Variants in AGBL4 observed in about 807,000 individuals in gnomAD.
AGBL4 encodes the protein cytosolic carboxypeptidase 6.
AGBL4 carries 58 observed loss-of-function variants against 66.4 expected under a neutral mutation model. The ratio of observed to expected loss-of-function variants is 0.87; its 90% CI spans 0.71 to 1.09. AGBL4 has a LOEUF of 1.09. Among genes scored for constraint, AGBL4 ranks in the 50% least tolerant of loss-of-function variants. The pLI, the probability that AGBL4 is intolerant of heterozygous loss-of-function variation, is 0.00. For missense variants in AGBL4, 579 were observed against 631.0 expected (o/e 0.92, Z 0.88); for synonymous variants, 234 against 222.9 (o/e 1.05, Z -0.44).
intron 6 of AGBL4, among the ~76,000 whole-genome samples, chr1:48,743,719 C>A (rs755616288): frequency 6.6e-6 from 1 of 152,194 alleles, no homozygotes; most frequent in Non-Finnish European, 1.5e-5. Context: ...CTTCTCTTAT[C>A]CTAGCCATGT....
At chr1:49,405,658 C>T (rs970201893) in intron 3 of AGBL4, among the ~76,000 whole-genome samples, 1 of 152,134 alleles carries the variant, frequency 6.6e-6, no homozygotes, top group African/African-American at 2.4e-5. Context: ...ATGAGGTGTA[C>T]CTTAGAGACA....
intron 2 of AGBL4, among the ~76,000 whole-genome samples, chr1:49,714,187 T>C (rs1218300364): frequency 6.6e-6 from 1 of 152,020 alleles, no homozygotes; most frequent in African/African-American, 2.4e-5. Context: ...CGAATCCAGG[T>C]ACTCCTGCTT....
intron 6 of AGBL4, among the ~76,000 whole-genome samples, chr1:48,674,001 C>G (rs1237347122): frequency 1.3e-5 from 2 of 152,154 alleles, no homozygotes; most frequent in African/African-American, 2.4e-5. Context: ...AGTCCTGCAG[C>G]GGCTTCCCCA....
In AGBL4 at chr1:49,846,089, T is replaced by A. The variant is rs576945577; in HGVS notation, c.157+5307A>T. Reference sequence around the variant, plus strand: ...CCACACAGGAGAGAAACCCTATGAATGTAACCAGTGTAGCCAGAGCTCCCT... The same window carrying A: ...CCACACAGGAGAGAAACCCTATGAAAGTAACCAGTGTAGCCAGAGCTCCCT... On this transcript the variant is annotated intron_variant, in intron 2 of 13. Transcript: ENST00000371839. 176 of 1,547,568 alleles carry A rather than the reference T, an allele frequency of 1.1e-4. 2 individuals are homozygous for A. In the Admixed American group the frequency reaches 2.9e-3, roughly 25 times the overall value.
chr1:48,732,318 C>T (rs912112703), intron 6 of AGBL4, among the ~76,000 whole-genome samples: 1 of 152,016 alleles, frequency 6.6e-6, no homozygotes, highest in Non-Finnish European at 1.5e-5. Context: ...GATCATAGAT[C>T]AAGAAATCAG....
chr1:49,769,555 C>G (rs1386395261), intron 2 of AGBL4, among the ~76,000 whole-genome samples: 1 of 152,186 alleles, frequency 6.6e-6, no homozygotes, highest in Non-Finnish European at 1.5e-5. Flanking sequence ...CATTACCTGA[C>G]TTCAAACTAC....
At chr1:49,706,431 TTC>T (rs1369288152) in intron 2 of AGBL4, among the ~76,000 whole-genome samples, 2 of 152,118 alleles carry the variant, frequency 1.3e-5, no homozygotes, top group Non-Finnish European at 2.9e-5. Context: ...TTTTGTATTC[TTC>T]TCTCTTTTCT....
At chr1:49,052,262 T>C (rs550660182) in intron 4 of AGBL4, among the ~76,000 whole-genome samples, 165 of 152,264 alleles carry the variant, frequency 1.1e-3, no homozygotes, top group Admixed American at 2.4e-3. Context: ...AGCAACAATA[T>C]TCCTACCTAT....
chr1:49,140,579 C>A (rs1450100690), intron 4 of AGBL4, among the ~76,000 whole-genome samples: 1 of 152,204 alleles, frequency 6.6e-6, no homozygotes. Flanking sequence ...ATTTTGTCAT[C>A]TAAAAATGCT....
At chr1:49,470,631 T>C (rs918799746) in intron 3 of AGBL4, among the ~76,000 whole-genome samples, 1 of 152,022 alleles carries the variant, frequency 6.6e-6, no homozygotes, top group African/African-American at 2.4e-5. Context: ...CCCACCACTA[T>C]GCCCTGTCAG....
chr1:49,857,798 G>A (rs1646471142), intron 1 of AGBL4, among the ~76,000 whole-genome samples: 1 of 151,944 alleles, frequency 6.6e-6, no homozygotes, highest in Non-Finnish European at 1.5e-5. Context: ...CAGTAGATTG[G>A]TCTAGGCAAA....
At chr1:49,809,391 A>G (rs1645048783) in intron 2 of AGBL4, among the ~76,000 whole-genome samples, 1 of 149,384 alleles carries the variant, frequency 6.7e-6, no homozygotes, top group African/African-American at 2.5e-5. Flanking sequence ...ATTCTTAAGA[A>G]CCAAAAATGG....
intron 1 of AGBL4, among the ~76,000 whole-genome samples, chr1:49,948,114 G>GTATGTAAATATATATAAATA (rs1290270144): frequency 4.4e-4 from 34 of 76,622 alleles, no homozygotes; most frequent in African/African-American, 1.6e-3. Context: ...ATATGTAAAT[G>GTATGTAAATATATATAAATA]TATGTAAATA....
At chr1:48,716,624 T>C (rs2148525808) in intron 6 of AGBL4, among the ~76,000 whole-genome samples, 1 of 152,278 alleles carries the variant, frequency 6.6e-6, no homozygotes, top group South Asian at 2.1e-4. Context: ...CTTCTCGACA[T>C]TTGTAAGTAC....
chr1:49,743,689 G>C (rs1188071055), intron 2 of AGBL4, among the ~76,000 whole-genome samples: 2 of 152,100 alleles, frequency 1.3e-5, no homozygotes, highest in African/African-American at 4.8e-5. Flanking sequence ...TTAAGAAAAT[G>C]TGGCACATAT....
At chr1:49,827,737 T>A (rs1645547612) in intron 2 of AGBL4, among the ~76,000 whole-genome samples, 1 of 152,194 alleles carries the variant, frequency 6.6e-6, no homozygotes, top group African/African-American at 2.4e-5. Flanking sequence ...TAAATTTAAA[T>A]GTTGACAAAC....
At chr1:49,947,994 A>ACATGTAT (rs1655447108) in intron 1 of AGBL4, among the ~76,000 whole-genome samples, 1 of 85,050 alleles carries the variant, frequency 1.2e-5, no homozygotes, top group East Asian at 3.2e-4. Context: ...ATATTTATAT[A>ACATGTAT]TATAAATATA....
intron 4 of AGBL4, among the ~76,000 whole-genome samples, chr1:49,101,598 G>C (rs898468894): frequency 1.2e-4 from 18 of 152,186 alleles, no homozygotes; most frequent in African/African-American, 4.3e-4. Flanking sequence ...GAGTCAGAGG[G>C]ATCTGTGTTT....
At chr1:49,348,141 A>G (rs4926812) in intron 3 of AGBL4, among the ~76,000 whole-genome samples, 105,666 of 151,914 alleles carry the variant, frequency 0.7, 37,619 homozygotes, top group African/African-American at 0.82. Context: ...AGACAAAGCC[A>G]GGCGCGTTGG....
Sources: allele counts gnomAD v4.1 joint callset (sites outside exome capture counted in the v4.1 genomes callset), GRCh38; gene constraint gnomAD v4.1.1; transcripts MANE v1.5; gene names NCBI Gene and HGNC (gene_info 2026-07-23, HGNC 2026-07-21).